Variants in ZFR observed in about 807,000 individuals in gnomAD.
ZFR encodes the protein zinc finger RNA-binding protein.
ZFR carries 19 observed loss-of-function variants against 130.7 expected under a neutral mutation model. That is an observed-to-expected ratio of 0.15 (90% confidence interval 0.10 to 0.21). The LOEUF (loss-of-function observed/expected upper bound fraction) is 0.21. Ranked by LOEUF, ZFR falls within the 10% of genes least tolerant of loss-of-function variation. The pLI is 1.00. For missense variants in ZFR, 872 were observed against 1,321.5 expected (o/e 0.66, Z 5.27); for synonymous variants, 466 against 456.9 (o/e 1.02, Z -0.25).
intron 9 of ZFR, among the ~76,000 whole-genome samples, chr5:32,397,927 G>A (rs6876710): frequency 0.43 from 59,457 of 138,676 alleles, 12,372 homozygotes; most frequent in East Asian, 0.58. Flanking sequence ...GTGCGATCTC[G>A]GCTCACTGCC....
At chr5:32,424,700 A>G (rs1291301981) in intron 2 of ZFR, among the ~76,000 whole-genome samples, 1 of 152,236 alleles carries the variant, frequency 6.6e-6, no homozygotes, top group African/African-American at 2.4e-5. Context: ...TTTTCTAATA[A>G]GCGGTACAGG....
At chr5:32,391,525 CT>C (rs34370191) in intron 11 of ZFR, among the ~76,000 whole-genome samples, 63,195 of 133,962 alleles carry the variant, frequency 0.47, 14,770 homozygotes, top group East Asian at 0.55. Flanking sequence ...GAAATCTACT[CT>C]TTTTTTTTTT....
intron 4 of ZFR, among the ~76,000 whole-genome samples, chr5:32,416,023 T>C (rs1272509556): frequency 6.6e-6 from 1 of 152,068 alleles, no homozygotes; most frequent in Non-Finnish European, 1.5e-5. Context: ...TGAAGTATGA[T>C]GGTGTGATCA....
intron 17 of ZFR, among the ~76,000 whole-genome samples, chr5:32,374,489 C>T (rs527957206): frequency 6.6e-6 from 1 of 151,248 alleles, no homozygotes; most frequent in Non-Finnish European, 1.5e-5. Context: ...GGGTACAGAG[C>T]GAGACTCCAT....
At chr5:32,365,617 G>A (rs1752524716) in intron 17 of ZFR, among the ~76,000 whole-genome samples, 1 of 151,060 alleles carries the variant, frequency 6.6e-6, no homozygotes, top group Non-Finnish European at 1.5e-5. Flanking sequence ...AGAATGCAGT[G>A]GCATGACCAT....
chr5:32,420,779 G>A (rs972478648), intron 2 of ZFR, among the ~76,000 whole-genome samples: 16 of 152,196 alleles, frequency 1.1e-4, no homozygotes, highest in African/African-American at 3.4e-4. Flanking sequence ...CAGGACAGCC[G>A]TGCATAACAA....
chr5:32,417,492 G>A (rs560197516), intron 4 of ZFR, among the ~76,000 whole-genome samples, 156 bp downstream of exon 4: 1 of 152,334 alleles, frequency 6.6e-6, no homozygotes, highest in South Asian at 2.1e-4. Flanking sequence ...ATTATGAATT[G>A]TGACTCCAAG....
In ZFR at chr5:32,409,860, C is replaced by T. The variant is rs375580056; in HGVS notation, c.785-2839G>A. On this transcript the variant is annotated intron_variant, in intron 5 of 19. Coordinates refer to ENST00000265069, the MANE Select transcript of ZFR (RefSeq NM_016107.5). ...TGGGATCCGCTCAAACCAGCTTAGCCAAGCGTGGTGGTGTGCCTGTAGTCC... is the reference window on the plus strand; with the variant it reads ...TGGGATCCGCTCAAACCAGCTTAGCTAAGCGTGGTGGTGTGCCTGTAGTCC... 1.0e-3 allele frequency among the ~76,000 whole-genome samples: 153 copies of T among 151,746 alleles called. 1 individual carries two copies. Among genetic ancestry groups the T allele is most frequent in the Middle Eastern group, 6.8e-3 (2 of 294 alleles).
rs1405148602 is a variant in ZFR, at chr5:32,355,049, T to C, written c.*711A>G. On this transcript the variant is annotated 3_prime_UTR_variant, in exon 20 of 20. Coordinates refer to ENST00000265069, the MANE Select transcript of ZFR (RefSeq NM_016107.5). Reference sequence around the variant, plus strand: ...AATTATGCAGAGGCTTTAAAACTGTTGCAAGACCATATAGTATATATTAGC... The same window carrying C: ...AATTATGCAGAGGCTTTAAAACTGTCGCAAGACCATATAGTATATATTAGC... 1 of 152,244 alleles carries C rather than the reference T, an allele frequency of 6.6e-6. No homozygotes were observed. Among genetic ancestry groups the C allele is most frequent in the East Asian group, 1.9e-4 (1 of 5,208 alleles). The allele number at this position is 152,244 out of a possible 1,614,324, so 9.4% of individuals were successfully genotyped here.
chr5:32,397,450 C>CT, intron 9 of ZFR, 112 bp from the exon 10 acceptor site: 1 of 1,359,980 alleles, frequency 7.4e-7, no homozygotes, highest in Non-Finnish European at 1.0e-6. Flanking sequence ...GTGGCAATGT[C>CT]TATTACATTT....
At chr5:32,399,358 A>G (rs1753390942) in intron 9 of ZFR, among the ~76,000 whole-genome samples, 1 of 152,116 alleles carries the variant, frequency 6.6e-6, no homozygotes, top group Non-Finnish European at 1.5e-5. Context: ...TATTTCATCT[A>G]CTCTTCACAA....
chr5:32,414,451 A>G (rs1753776439), intron 5 of ZFR, among the ~76,000 whole-genome samples: 1 of 152,202 alleles, frequency 6.6e-6, no homozygotes, highest in African/African-American at 2.4e-5. Flanking sequence ...ATATATAATT[A>G]TTTAAGGAAA....
In ZFR at chr5:32,420,791, G is replaced by T. The variant is rs925213; in HGVS notation, c.138-688C>A. 7.8e-3 allele frequency among the ~76,000 whole-genome samples: 1,182 copies of T among 152,286 alleles called. 15 individuals are homozygous for T. Among genetic ancestry groups the T allele is most frequent in the African/African-American group, 0.027 (1,112 of 41,546 alleles). The stretch of plus-strand genomic sequence containing the variant: ...GCACAGGACAGCCGTGCATAACAAA[G>T]AATTATTTAAAGTATGTCAATAGTG... On this transcript the variant is annotated intron_variant, in intron 2 of 19. Transcript: ENST00000265069.
intron 15 of ZFR, among the ~76,000 whole-genome samples, chr5:32,383,555 TATTA>T (rs984074554): frequency 2.6e-5 from 4 of 152,334 alleles, no homozygotes; most frequent in East Asian, 1.9e-4. Context: ...TCATTTCCTT[TATTA>T]ATTAATTTTT....
At chr5:32,368,235 A>C (rs893027749) in intron 17 of ZFR, among the ~76,000 whole-genome samples, 1 of 6,512 alleles carries the variant, frequency 1.5e-4, no homozygotes, top group Non-Finnish European at 2.6e-4. Context: ...AACTGCATCA[A>C]AACTTTTTTC....
At chr5:32,444,057 A>AGGCGGGGCGG (rs375370062) in intron 2 of ZFR, among the ~76,000 whole-genome samples, 172 bp downstream of exon 2, 51 of 139,432 alleles carry the variant, frequency 3.7e-4, no homozygotes, top group South Asian at 1.8e-3. Context: ...GGGCCGGGCA[A>AGGCGGGGCGG]GGCGGGGCGG....
chr5:32,443,850 G>A (rs1044995237), intron 2 of ZFR, among the ~76,000 whole-genome samples: 6 of 152,238 alleles, frequency 3.9e-5, no homozygotes, highest in African/African-American at 1.2e-4. Flanking sequence ...GTGGGAAGAA[G>A]ATGGGAGGTG....
intron 9 of ZFR, among the ~76,000 whole-genome samples, chr5:32,397,674 C>G (rs999298043): frequency 6.6e-6 from 1 of 152,010 alleles, no homozygotes; most frequent in Non-Finnish European, 1.5e-5. Flanking sequence ...GTTGGCCAGG[C>G]TGGTCTCAAA....
chr5:32,419,093 C>T (rs962103289), intron 3 of ZFR, among the ~76,000 whole-genome samples: 1 of 152,278 alleles, frequency 6.6e-6, no homozygotes, highest in East Asian at 1.9e-4. Context: ...TATGTTTGTC[C>T]TGCTCTCAAA....
Sources: allele counts gnomAD v4.1 joint callset (sites outside exome capture counted in the v4.1 genomes callset), GRCh38; gene constraint gnomAD v4.1.1; transcripts MANE v1.5; gene names NCBI Gene and HGNC (gene_info 2026-07-23, HGNC 2026-07-21).